Variants in NDC80 observed in about 807,000 individuals in gnomAD.
NDC80 encodes NDC80 kinetochore complex component, also known as kinetochore protein NDC80 homolog.
Under a neutral mutation model 89.3 loss-of-function variants are expected in NDC80, and 69 were observed. The observed-to-expected ratio is 0.77, with a 90% CI of 0.64 to 0.94. The LOEUF (loss-of-function observed/expected upper bound fraction) is 0.94, where lower values mean the gene tolerates loss of function less well. NDC80 is among the 40% of genes least tolerant of loss of function. The pLI is 0.00. For missense variants in NDC80, 593 were observed against 739.6 expected, an observed-to-expected ratio of 0.80 and a Z score of 2.30; for synonymous variants, 243 against 255.6, an observed-to-expected ratio of 0.95 and a Z score of 0.47.
chr18:2,579,803 C>T (rs989156819), intron 6 of NDC80, among the ~76,000 whole-genome samples: 6 of 152,028 alleles, frequency 3.9e-5, no homozygotes, highest in South Asian at 2.1e-4. Context: ...TGATACATAC[C>T]GACAAATTTT....
chr18:2,572,452 G>C (rs2072521078), intron 1 of NDC80, among the ~76,000 whole-genome samples: 1 of 152,170 alleles, frequency 6.6e-6, no homozygotes, highest in African/African-American at 2.4e-5. Flanking sequence ...GATGCCAAAA[G>C]GGCAGTAATT....
At chr18:2,588,728 T>C (rs1439719365) in intron 8 of NDC80, among the ~76,000 whole-genome samples, 4 of 152,204 alleles carry the variant, frequency 2.6e-5, no homozygotes, top group African/African-American at 9.7e-5. Flanking sequence ...TAAATGGCTT[T>C]GTTTTAAGAG....
chr18:2,574,985 A>G lies in NDC80; in HGVS notation c.102-4A>G, dbSNP rs1467587452. 5.7e-6 allele frequency: 9 copies of G among 1,580,872 alleles called. No individual in the cohort carries two copies. The highest frequency in any genetic ancestry group is 1.2e-5 in the South Asian group (1 of 86,072). On this transcript the variant is annotated splice_region_variant and splice_polypyrimidine_tract_variant and intron_variant, in intron 2 of 16. Coordinates refer to ENST00000261597, the MANE Select transcript of NDC80 (RefSeq NM_006101.3). Reference sequence around the variant, plus strand: ...TAAAGAGTTGTTTTCTATTTTTCTTAAAGCAAAGAGAAACCAACCTTTGGA... The same window carrying G: ...TAAAGAGTTGTTTTCTATTTTTCTTGAAGCAAAGAGAAACCAACCTTTGGA...
intron 3 of NDC80, among the ~76,000 whole-genome samples, chr18:2,577,044 T>C (rs75021339): frequency 6.6e-6 from 1 of 152,228 alleles, no homozygotes; most frequent in Non-Finnish European, 1.5e-5. Flanking sequence ...TAAGGTATTT[T>C]TGTAATGTAA....
chr18:2,576,639 T>C (rs771924879), intron 3 of NDC80, among the ~76,000 whole-genome samples: 68 of 152,182 alleles, frequency 4.5e-4, no homozygotes, highest in Non-Finnish European at 8.5e-4. Context: ...AGGCTGCAGG[T>C]TGGAGAAGGA....
intron 13 of NDC80, among the ~76,000 whole-genome samples, chr18:2,603,273 G>A (rs960459918): frequency 1.3e-5 from 2 of 150,968 alleles, no homozygotes; most frequent in Non-Finnish European, 2.9e-5. Context: ...TAAGGGACCG[G>A]CAAAGGAAGG....
At chr18:2,580,990 T>C (rs921572711) in intron 6 of NDC80, among the ~76,000 whole-genome samples, 3 of 151,960 alleles carry the variant, frequency 2.0e-5, no homozygotes, top group Non-Finnish European at 4.4e-5. Flanking sequence ...TCCGCCCACC[T>C]CAGCCTCCCA....
chr18:2,602,567 A>C (rs2072689066), intron 13 of NDC80, among the ~76,000 whole-genome samples: 1 of 152,170 alleles, frequency 6.6e-6, no homozygotes, highest in Non-Finnish European at 1.5e-5. Flanking sequence ...AATGGGTACT[A>C]AAACCTGGAG....
Position 2,610,864 on chromosome 18 carries a change from A to G in NDC80, c.1791+3A>G. The G allele has an allele frequency of 4.0e-6, 6 of 1,505,670 alleles. No homozygotes were observed. Among genetic ancestry groups the G allele is most frequent in the Non-Finnish European group, 5.4e-6 (6 of 1,108,412 alleles). 93.3% of individuals were successfully genotyped at this position (1,505,670 alleles called of 1,614,324 possible). On this transcript the variant is annotated splice_donor_region_variant and intron_variant, in intron 16 of 16. Transcript: ENST00000261597. ...CTACACATGTTGGGTCTGTAGAGGTAAGTATGTGATGGTCTTTCCTACGTT... is the reference window on the plus strand; with the variant it reads ...CTACACATGTTGGGTCTGTAGAGGTGAGTATGTGATGGTCTTTCCTACGTT...
At chr18:2,602,600 A>T (rs777590464) in intron 13 of NDC80, among the ~76,000 whole-genome samples, 2 of 152,210 alleles carry the variant, frequency 1.3e-5, no homozygotes, top group African/African-American at 2.4e-5. Context: ...TATGAATTCC[A>T]AACAACAGGA....
chr18:2,589,270 A>T lies in NDC80; in HGVS notation c.830A>T (p.Glu277Val). 1 of 1,613,880 alleles carries T rather than the reference A, an allele frequency of 6.2e-7. No individual in the cohort carries two copies. Among genetic ancestry groups the T allele is most frequent in the Non-Finnish European group, 8.5e-7 (1 of 1,179,758 alleles). ...SLEAKNRALNEQIARLEQERE... is the reference protein window; with the variant it reads ...SLEAKNRALNVQIARLEQERE... ...GAAGCAAAAAACAGAGCATTGAATG[A>T]ACAGATTGCAAGATTGGAACAAGAA... The change falls in exon 9 of 17, where the codon GAA becomes GTA. Residue 277 changes from glutamate to valine, a missense_variant. Physicochemically the swap from Glu to Val is moderately radical, Grantham distance 121. Coordinates refer to ENST00000261597, the MANE Select transcript of NDC80 (RefSeq NM_006101.3).
chr18:2,585,023 T>C, intron 6 of NDC80, 90 bp from the exon 7 acceptor site: 1 of 862,046 alleles, frequency 1.2e-6, no homozygotes, highest in Non-Finnish European at 1.9e-6. Flanking sequence ...TGTAAATGCT[T>C]CTAAAATTGA....
At chr18:2,596,263 C>T (rs370149617) in intron 11 of NDC80, among the ~76,000 whole-genome samples, 1 of 151,976 alleles carries the variant, frequency 6.6e-6, no homozygotes, top group East Asian at 1.9e-4. Context: ...AGAAAATTTT[C>T]GCAACCTACT....
Position 2,597,968 on chromosome 18 carries a change from T to A in NDC80, c.1222-1051T>A, listed in dbSNP as rs1598242230. 5.9e-5 allele frequency among the ~76,000 whole-genome samples: 9 copies of A among 152,290 alleles called. 1 individual carries two copies. The South Asian group carries it at 1.9e-3, about 32-fold the overall frequency. On this transcript the variant is annotated intron_variant, in intron 11 of 16. Coordinates refer to ENST00000261597, the MANE Select transcript of NDC80 (RefSeq NM_006101.3). ...CCAAGTGAAAATAGGTAATAGGCTG[T>A]TATATATATGGGTCTGGACCTTGGC...
rs1239966416 is a variant in NDC80, at chr18:2,578,305, C to CA, written c.476+171dup. Among the ~76,000 whole-genome samples, 12 of 151,772 alleles carry CA rather than the reference C, an allele frequency of 7.9e-5. No homozygotes were observed. In the East Asian group the frequency reaches 2.1e-3, roughly 27 times the overall value. ...TGAAGAGAAAAAAAGCAACTGCTTA[C>CA]AAAAAAACAAATAAAAATTGCTAGT... On this transcript the variant is annotated intron_variant, in intron 5 of 16. Transcript: ENST00000261597.
chr18:2,616,429 T>C lies in NDC80; in HGVS notation c.1792-8T>C. The C allele has an allele frequency of 6.8e-7, 1 of 1,460,820 alleles. No individual in the cohort carries two copies. Among genetic ancestry groups the C allele is most frequent in the Non-Finnish European group, 9.2e-7 (1 of 1,088,532 alleles). 90.5% of individuals were successfully genotyped at this position (1,460,820 alleles called of 1,614,324 possible). On this transcript the variant is annotated splice_region_variant and splice_polypyrimidine_tract_variant and intron_variant, in intron 16 of 16. Coordinates refer to ENST00000261597, the MANE Select transcript of NDC80 (RefSeq NM_006101.3). Reference sequence around the variant, plus strand: ...TTTACTTTAACAATTGTTAATTCTCTTCACTAGAAACATCTTGAGGAGCAG... The same window carrying C: ...TTTACTTTAACAATTGTTAATTCTCCTCACTAGAAACATCTTGAGGAGCAG...
chr18:2,573,679 G>C (rs948293385), intron 2 of NDC80, among the ~76,000 whole-genome samples: 1 of 152,196 alleles, frequency 6.6e-6, no homozygotes, highest in Non-Finnish European at 1.5e-5. Flanking sequence ...CGAGGTACAA[G>C]TTACTTGCTA....
Position 2,573,102 on chromosome 18 carries a change from G to T in NDC80, c.101+16G>T, listed in dbSNP as rs2072527105. ...CCCCTCAAACGTGAGTATTTCCCTT[G>T]TGGTTCTAATTTGCATGCTTTATCA... On this transcript the variant is annotated intron_variant, in intron 2 of 16. Transcript: ENST00000261597. 2 of 1,589,462 alleles carry T rather than the reference G, an allele frequency of 1.3e-6. No homozygotes were observed. The highest frequency in any genetic ancestry group is 1.7e-5 in the Admixed American group (1 of 57,146).
At position 2,601,396 on chromosome 18, in the gene NDC80, G is replaced by A. The variant is rs370607967; in HGVS notation, c.1375G>A (p.Val459Ile). 6.2e-6 allele frequency: 9 copies of A among 1,444,240 alleles called. No homozygotes were observed. The highest frequency in any genetic ancestry group is 6.2e-5 in the Admixed American group (3 of 48,330). 89.5% of individuals were successfully genotyped at this position (1,444,240 alleles called of 1,614,324 possible). ...CLVKYRAQVY[V>I]PLKELLNETE... ...ACCCACATTCCTATGTATTTTATAGGTACCTCTTAAGGAACTCCTGAATGA... is the reference window on the plus strand; with the variant it reads ...ACCCACATTCCTATGTATTTTATAGATACCTCTTAAGGAACTCCTGAATGA... Residue 459 changes from valine (V) to isoleucine (I), a missense_variant and splice_region_variant, in exon 13 of 17, where the codon GTA becomes ATA. Transcript: ENST00000261597.
Sources: gnomAD v4.1 joint callset for allele counts (sites outside exome capture counted in the v4.1 genomes callset) on GRCh38, gnomAD v4.1.1 for gene constraint, MANE v1.5 for transcripts, NCBI Gene and HGNC (gene_info 2026-07-23, HGNC 2026-07-21) for gene names.